RUNX1: variants seen among roughly 807,000 people sequenced by gnomAD.
RUNX1 encodes the protein RUNX family transcription factor 1.
A neutral mutation model predicts 42.8 loss-of-function variants in RUNX1; 19 were observed. That is an observed-to-expected ratio of 0.44 (90% CI 0.31 to 0.65). The LOEUF (loss-of-function observed/expected upper bound fraction) is 0.65. RUNX1 is among the 30% of genes least tolerant of loss of function. The pLI is 0.07. For missense variants in RUNX1, 528 were observed against 672.0 expected, an observed-to-expected ratio of 0.79 and a Z score of 2.37; for synonymous variants, 271 against 289.4, an observed-to-expected ratio of 0.94 and a Z score of 0.64.
chr21:34,792,318 G>GCCCC lies in RUNX1; in HGVS notation c.1259_1260insGGGG (p.Glu422ArgfsTer179). 3 of 1,470,110 alleles carry GCCCC rather than the reference G, an allele frequency of 2.0e-6. No homozygotes were observed. The highest frequency in any genetic ancestry group is 1.8e-6 in the Non-Finnish European group (2 of 1,099,452). The allele number at this position is 1,470,110 out of a possible 1,614,324, so 91.1% of individuals were successfully genotyped here. On this transcript the variant is annotated frameshift_variant, in exon 9 of 9. Coordinates refer to ENST00000675419, the MANE Select transcript of RUNX1 (RefSeq NM_001754.5). LOFTEE classifies it high-confidence loss of function. This position sits in a 1 kb window ranked among gnomAD's most constrained non-coding sequence, Gnocchi z 6.9. ...GGATGCGCGGCGGCGAGCGCTCGCC[G>GCCCC]CCCACCATGGAGAACTGGTAGGAGC... is the stretch of plus-strand genomic sequence containing the variant.
At chr21:34,995,034 A>T (rs1165716781) in intron 2 of RUNX1, among the ~76,000 whole-genome samples, 2 of 152,222 alleles carry the variant, frequency 1.3e-5, no homozygotes. Flanking sequence ...CCCCGCATGG[A>T]CACCCGTGGC....
At chr21:34,836,035 GA>G (rs1263125073) in intron 6 of RUNX1, among the ~76,000 whole-genome samples, 2 of 152,066 alleles carry the variant, frequency 1.3e-5, no homozygotes, top group South Asian at 2.1e-4. Flanking sequence ...TTCCAGACCA[GA>G]AAAAAAGGGC....
chr21:34,866,285 C>A (rs989429834), intron 5 of RUNX1, among the ~76,000 whole-genome samples: 1 of 152,058 alleles, frequency 6.6e-6, no homozygotes, highest in Non-Finnish European at 1.5e-5. Flanking sequence ...CTTGAAACGC[C>A]CAAAGAGTGA....
chr21:34,899,300 C>T (rs1055552296), intron 2 of RUNX1, among the ~76,000 whole-genome samples: 8 of 152,122 alleles, frequency 5.3e-5, no homozygotes, highest in Admixed American at 4.6e-4. Context: ...CTATGTGCTG[C>T]TATGAGTAGG....
In RUNX1 at chr21:34,959,544, A is replaced by G. The variant is rs546086546; in HGVS notation, c.59-66581T>C. ...CTTTGGCAGTTAGAGAGAGACACAG[A>G]GTTAAGGCCCTGAAGTGCATTAAAA... On this transcript the variant is annotated intron_variant, in intron 2 of 8. Coordinates refer to ENST00000675419, the MANE Select transcript of RUNX1 (RefSeq NM_001754.5). 2.0e-5 allele frequency among the ~76,000 whole-genome samples: 3 copies of G among 152,334 alleles called. No homozygotes were observed. The East Asian group carries it at 5.8e-4, about 29-fold the overall frequency.
chr21:35,009,225 C>T (rs1429232107), intron 2 of RUNX1, among the ~76,000 whole-genome samples: 4 of 152,164 alleles, frequency 2.6e-5, no homozygotes, highest in East Asian at 1.9e-4. Context: ...GCATTTGATG[C>T]GAGGATAAAA....
At chr21:34,866,421 T>A (rs963743230) in intron 5 of RUNX1, among the ~76,000 whole-genome samples, 1 of 152,256 alleles carries the variant, frequency 6.6e-6, no homozygotes, top group Admixed American at 6.5e-5. Context: ...GGGAGATTTC[T>A]CCTTTTACAA....
intron 2 of RUNX1, among the ~76,000 whole-genome samples, chr21:35,003,081 C>T (rs910944865): frequency 2.0e-5 from 3 of 152,198 alleles, no homozygotes; most frequent in Non-Finnish European, 4.4e-5. Context: ...TCCTCCCACT[C>T]GAAAAGCAAA....
chr21:35,007,783 A>T (rs1454577803), intron 2 of RUNX1, among the ~76,000 whole-genome samples: 1 of 151,882 alleles, frequency 6.6e-6, no homozygotes, highest in Non-Finnish European at 1.5e-5. Context: ...AACATCCTCC[A>T]AGCTGATCAG....
chr21:34,956,653 G>C (rs547348882), intron 2 of RUNX1, among the ~76,000 whole-genome samples: 1 of 152,218 alleles, frequency 6.6e-6, no homozygotes, highest in Admixed American at 6.5e-5. Context: ...TTGTGCTCTT[G>C]GGCATGAATG....
In RUNX1 at chr21:34,795,045, C is replaced by G. The variant is rs8132473; in HGVS notation, c.968-2435G>C. On this transcript the variant is annotated intron_variant, in intron 8 of 8. Transcript: ENST00000675419. ...TAAATGACCAGGCTAGGACTCTCCT[C>G]TTTATATCAGCAAATCCACAGACAG... 1.4e-3 allele frequency among the ~76,000 whole-genome samples: 211 copies of G among 152,322 alleles called. 1 individual carries two copies. The highest frequency in any genetic ancestry group is 5.0e-3 in the African/African-American group (208 of 41,566).
chr21:34,942,317 C>CA (rs61376903), intron 2 of RUNX1, among the ~76,000 whole-genome samples: 2,730 of 135,962 alleles, frequency 0.02, 81 homozygotes, highest in Admixed American at 0.097. Flanking sequence ...TGCACTCAAG[C>CA]AAAAAAAAAA....
chr21:34,863,902 C>A (rs911601303), intron 5 of RUNX1, among the ~76,000 whole-genome samples: 2 of 152,184 alleles, frequency 1.3e-5, no homozygotes, highest in African/African-American at 4.8e-5. Flanking sequence ...TCATGTGGTT[C>A]TCCCTCACAA....
chr21:34,951,397 T>C (rs1473696061), intron 2 of RUNX1, among the ~76,000 whole-genome samples: 1 of 152,250 alleles, frequency 6.6e-6, no homozygotes, highest in Non-Finnish European at 1.5e-5. Flanking sequence ...TTGGCTTTTG[T>C]TGCCATTGCT....
chr21:34,982,650 A>G (rs1207155884), intron 2 of RUNX1, among the ~76,000 whole-genome samples: 1 of 152,000 alleles, frequency 6.6e-6, no homozygotes. Context: ...GCTTATTGCA[A>G]TCTCCGCCAC....
chr21:34,794,195 CAATATT>C (rs1294160920), intron 8 of RUNX1, among the ~76,000 whole-genome samples: 3 of 151,898 alleles, frequency 2.0e-5, no homozygotes, highest in Non-Finnish European at 4.4e-5. Context: ...TATATCCTAA[CAATATT>C]AATATATAAT....
At chr21:35,010,208 C>T (rs1260411933) in intron 2 of RUNX1, among the ~76,000 whole-genome samples, 1 of 151,866 alleles carries the variant, frequency 6.6e-6, no homozygotes, top group Non-Finnish European at 1.5e-5. Flanking sequence ...TTTTTTTCCT[C>T]CCTAAATTTA....
intron 7 of RUNX1, among the ~76,000 whole-genome samples, chr21:34,804,803 C>T (rs527516611): frequency 1.6e-4 from 24 of 146,578 alleles, no homozygotes; most frequent in African/African-American, 4.8e-4. Context: ...AGTGCAGTGG[C>T]GCAATCTTGG....
chr21:34,788,309 T>C lies in RUNX1; in HGVS notation c.*3826A>G. 4.3e-6 allele frequency: 1 copy of C among 233,622 alleles called. No individual in the cohort carries two copies. The highest frequency in any genetic ancestry group is 8.5e-6 in the Non-Finnish European group (1 of 117,994). The allele number at this position is 233,622 out of a possible 1,614,324, so 14.5% of individuals were successfully genotyped here. ...ATTTCAATTTGAAAGTTTATTTTTTTCCATTGATTTTTATACATCCAGAAT... is the reference window on the plus strand; with the variant it reads ...ATTTCAATTTGAAAGTTTATTTTTTCCCATTGATTTTTATACATCCAGAAT... On this transcript the variant is annotated 3_prime_UTR_variant, in exon 9 of 9. Coordinates refer to ENST00000675419, the MANE Select transcript of RUNX1 (RefSeq NM_001754.5).
Sources: gnomAD v4.1 joint callset for allele counts (sites outside exome capture counted in the v4.1 genomes callset) on GRCh38, gnomAD v4.1.1 for gene constraint, Gnocchi (gnomAD v3.1) non-coding constraint, MANE v1.5 for transcripts, NCBI Gene and HGNC (gene_info 2026-07-23, HGNC 2026-07-21) for gene names.